NRXN3: variants seen among roughly 807,000 people sequenced by gnomAD.
The protein encoded by NRXN3 is neurexin 3, also known as neurexin III.
NRXN3 carries 32 observed loss-of-function variants against 137.6 expected under a neutral mutation model. The observed-to-expected ratio is 0.23, with a 90% confidence interval of 0.18 to 0.31. The LOEUF is 0.31. NRXN3 is among the 10% of genes least tolerant of loss of function. The pLI, the probability that NRXN3 is intolerant of heterozygous loss-of-function variation, is 1.00. For missense variants in NRXN3, 1,574 were observed against 2,062.5 expected (o/e 0.76, Z 4.59); for synonymous variants, 798 against 784.5 (o/e 1.02, Z -0.29).
intron 10 of NRXN3, among the ~76,000 whole-genome samples, chr14:78,903,784 G>A (rs767673152): frequency 2.0e-5 from 3 of 152,052 alleles, no homozygotes; most frequent in Admixed American, 6.6e-5. Flanking sequence ...AATGCTGGGA[G>A]CAATTTGTCC....
At chr14:79,553,719 A>G (rs1359207122) in intron 16 of NRXN3, among the ~76,000 whole-genome samples, 3 of 152,210 alleles carry the variant, frequency 2.0e-5, no homozygotes, top group Non-Finnish European at 4.4e-5. Flanking sequence ...GCCACAGGGT[A>G]GTGGCAGAAC....
At chr14:78,707,684 T>C (rs996922548) in intron 6 of NRXN3, among the ~76,000 whole-genome samples, 4 of 152,160 alleles carry the variant, frequency 2.6e-5, no homozygotes, top group African/African-American at 9.7e-5. Flanking sequence ...ACCCTATTTG[T>C]AGTCTTTTAT....
At chr14:78,376,512 A>G (rs1008334935) in intron 4 of NRXN3, among the ~76,000 whole-genome samples, 9 of 152,222 alleles carry the variant, frequency 5.9e-5, no homozygotes, top group African/African-American at 2.2e-4. Flanking sequence ...ATGACATTAT[A>G]TATAAGAAGA....
intron 16 of NRXN3, among the ~76,000 whole-genome samples, chr14:79,590,345 C>G (rs1012802544): frequency 2.0e-5 from 3 of 147,942 alleles, no homozygotes; most frequent in African/African-American, 7.6e-5. Flanking sequence ...TCCACCTTGC[C>G]TTCCACCATG....
chr14:78,767,505 C>T (rs989898125), intron 8 of NRXN3, among the ~76,000 whole-genome samples: 12 of 152,154 alleles, frequency 7.9e-5, no homozygotes, highest in African/African-American at 2.7e-4. Flanking sequence ...GGTCTATCTA[C>T]CACACTGTCA....
chr14:78,755,856 A>G (rs1268373254), intron 8 of NRXN3, among the ~76,000 whole-genome samples: 2 of 152,204 alleles, frequency 1.3e-5, no homozygotes, highest in South Asian at 2.1e-4. Context: ...ATGTTTACCT[A>G]TCTGCTGTGT....
At chr14:78,822,009 A>G (rs930711936) in intron 10 of NRXN3, among the ~76,000 whole-genome samples, 4 of 152,216 alleles carry the variant, frequency 2.6e-5, no homozygotes, top group Non-Finnish European at 2.9e-5. Flanking sequence ...CATATCTGAT[A>G]GAAAACACAA....
intron 10 of NRXN3, among the ~76,000 whole-genome samples, chr14:78,886,690 T>C (rs558794544): frequency 6.6e-6 from 1 of 152,268 alleles, no homozygotes; most frequent in African/African-American, 2.4e-5. Context: ...TTTAACAGTC[T>C]TATGAAAGAC....
intron 9 of NRXN3, among the ~76,000 whole-genome samples, chr14:78,807,734 C>CAAAAAAAAAAAAAAAAAAAAAAAAAAA (rs144921592): frequency 1.8e-5 from 2 of 111,726 alleles, no homozygotes; most frequent in African/African-American, 6.5e-5. Flanking sequence ...GATTCTGTCT[C>CAAAAAAAAAAAAAAAAAAAAAAAAAAA]AAAAAAAAAA....
chr14:79,202,390 T>C (rs1490015597), intron 15 of NRXN3, among the ~76,000 whole-genome samples: 1 of 152,098 alleles, frequency 6.6e-6, no homozygotes, highest in Non-Finnish European at 1.5e-5. Context: ...TAAGATTATT[T>C]TTTTCTGTAA....
rs1424737335 is a variant in NRXN3, at chr14:79,867,690, G to C, written c.*5726G>C. The C allele has an allele frequency of 6.6e-6, 1 of 152,116 alleles. No individual in the cohort carries two copies. Among genetic ancestry groups the C allele is most frequent in the Non-Finnish European group, 1.5e-5 (1 of 68,044 alleles). 9.4% of individuals were successfully genotyped at this position (152,116 alleles called of 1,614,324 possible). On this transcript the variant is annotated 3_prime_UTR_variant, in exon 21 of 21. Coordinates refer to ENST00000335750, the MANE Select transcript of NRXN3 (RefSeq NM_001330195.2). ...ATGTATAGTAGTGGGAATTGCAAAGGTTGAAGTTCCAAAGTATCAAGGGAA... is the reference window on the plus strand; with the variant it reads ...ATGTATAGTAGTGGGAATTGCAAAGCTTGAAGTTCCAAAGTATCAAGGGAA...
intron 15 of NRXN3, among the ~76,000 whole-genome samples, chr14:79,220,501 G>A (rs2069390015): frequency 6.6e-6 from 1 of 151,976 alleles, no homozygotes; most frequent in Non-Finnish European, 1.5e-5. Context: ...ATTCACTCTT[G>A]GTGTTGTACA....
intron 15 of NRXN3, among the ~76,000 whole-genome samples, chr14:79,270,974 A>G (rs1269920010): frequency 1.3e-5 from 2 of 152,216 alleles, no homozygotes; most frequent in Non-Finnish European, 2.9e-5. Flanking sequence ...CTGTTCAGAG[A>G]ACATTCATCT....
chr14:79,836,047 A>G (rs1362933414), intron 20 of NRXN3, among the ~76,000 whole-genome samples: 1 of 152,150 alleles, frequency 6.6e-6, no homozygotes, highest in African/African-American at 2.4e-5. Flanking sequence ...TTGATTTCCA[A>G]TTCCCGACTC....
chr14:79,246,881 G>A (rs1326266555), intron 15 of NRXN3: 4 of 152,100 alleles, frequency 2.6e-5, no homozygotes, highest in African/African-American at 9.7e-5. Flanking sequence ...GCATTCCCAT[G>A]TAGCAAAAAA....
chr14:78,895,805 G>A (rs569653248), intron 10 of NRXN3, among the ~76,000 whole-genome samples: 1 of 151,912 alleles, frequency 6.6e-6, no homozygotes, highest in South Asian at 2.1e-4. Flanking sequence ...TTGTGTCTCA[G>A]GGAATAGGGA....
chr14:78,687,623 G>A (rs2098135343), intron 6 of NRXN3, among the ~76,000 whole-genome samples: 1 of 152,142 alleles, frequency 6.6e-6, no homozygotes, highest in Non-Finnish European at 1.5e-5. Context: ...ATATCCCTGT[G>A]TTTTGGCTGG....
At chr14:78,916,492 G>T (rs1430947112) in intron 10 of NRXN3, among the ~76,000 whole-genome samples, 1 of 152,178 alleles carries the variant, frequency 6.6e-6, no homozygotes, top group Non-Finnish European at 1.5e-5. Flanking sequence ...AAGCTCCATG[G>T]CAGGAGTGCT....
At chr14:79,824,950 T>A (rs1395383808) in intron 20 of NRXN3, among the ~76,000 whole-genome samples, 1 of 152,216 alleles carries the variant, frequency 6.6e-6, no homozygotes, top group East Asian at 1.9e-4. Context: ...GAAAAACTGA[T>A]AATGTACTTA....
Sources: allele counts gnomAD v4.1 joint callset (sites outside exome capture counted in the v4.1 genomes callset), GRCh38; gene constraint gnomAD v4.1.1; transcripts MANE v1.5; gene names NCBI Gene and HGNC (gene_info 2026-07-23, HGNC 2026-07-21).